The following LPP variants were observed in gnomAD, a reference collection of about 807,000 sequenced individuals.
LPP encodes the protein lipoma-preferred partner.
A neutral mutation model predicts 60.4 loss-of-function variants in LPP; 38 were observed. The observed-to-expected ratio is 0.63, with a 90% CI of 0.49 to 0.83. The LOEUF (loss-of-function observed/expected upper bound fraction) is 0.83, where lower values mean the gene tolerates loss of function less well. Ranked by LOEUF, LPP falls within the 40% of genes least tolerant of loss-of-function variation. The pLI, the probability that LPP is intolerant of heterozygous loss-of-function variation, is 0.00. For synonymous variants in LPP, 328 were observed against 290.8 expected (o/e 1.13, Z -1.30); for missense variants, 902 against 783.6 (o/e 1.15, Z -1.80).
intron 2 of LPP, among the ~76,000 whole-genome samples, chr3:188,292,210 A>T (rs1746230702): frequency 6.6e-6 from 1 of 152,234 alleles, no homozygotes; most frequent in Non-Finnish European, 1.5e-5. Flanking sequence ...AGGAAACAGG[A>T]TGTGCAAACT....
intron 9 of LPP, among the ~76,000 whole-genome samples, chr3:188,814,967 A>T (rs1219799561): frequency 6.6e-6 from 1 of 152,252 alleles, no homozygotes; most frequent in African/African-American, 2.4e-5. Context: ...GGGGACAATG[A>T]TAATATGTCT....
intron 7 of LPP, among the ~76,000 whole-genome samples, chr3:188,654,053 AC>A (rs950058733): frequency 6.6e-6 from 1 of 152,102 alleles, no homozygotes; most frequent in African/African-American, 2.4e-5. Context: ...AATGCCCATG[AC>A]CCTTATTTCA....
At chr3:188,751,517 T>G (rs1164271921) in intron 8 of LPP, among the ~76,000 whole-genome samples, 3 of 152,218 alleles carry the variant, frequency 2.0e-5, no homozygotes, top group African/African-American at 7.2e-5. Flanking sequence ...GAAATACTAC[T>G]GTTTCTGTCA....
intron 3 of LPP, among the ~76,000 whole-genome samples, chr3:188,387,110 G>A (rs934713901): frequency 1.3e-5 from 2 of 151,912 alleles, no homozygotes; most frequent in Non-Finnish European, 1.5e-5. Context: ...CCTTATATCT[G>A]TAAGGCACTT....
At chr3:188,671,224 A>G (rs750439573) in intron 7 of LPP, among the ~76,000 whole-genome samples, 6 of 152,254 alleles carry the variant, frequency 3.9e-5, no homozygotes, top group Non-Finnish European at 8.8e-5. Context: ...AACAATTTGA[A>G]TTCCTTTGTC....
At chr3:188,247,177 G>C (rs183858152) in intron 2 of LPP, 1 of 984,620 alleles carries the variant, frequency 1.0e-6, no homozygotes, top group East Asian at 1.1e-4. Flanking sequence ...AAGACCTCTG[G>C]AGAATTCTTC....
chr3:188,848,731 G>A (rs761317332), intron 9 of LPP, among the ~76,000 whole-genome samples: 16 of 152,194 alleles, frequency 1.1e-4, no homozygotes, highest in Non-Finnish European at 1.5e-4. Context: ...ACTTTGGGAG[G>A]CCGAGGCGGA....
intron 3 of LPP, among the ~76,000 whole-genome samples, chr3:188,394,711 A>G (rs1399707937): frequency 2.0e-5 from 3 of 152,172 alleles, no homozygotes; most frequent in African/African-American, 4.8e-5. Context: ...TCTCTCATCA[A>G]GGGAAACTTA....
At chr3:188,772,684 G>A (rs906937546) in intron 9 of LPP, among the ~76,000 whole-genome samples, 13 of 151,828 alleles carry the variant, frequency 8.6e-5, no homozygotes, top group Non-Finnish European at 1.0e-4. Context: ...TAGTAGAGAC[G>A]GGGTTTCACC....
At chr3:188,731,304 C>G (rs1185219514) in intron 8 of LPP, among the ~76,000 whole-genome samples, 1 of 152,068 alleles carries the variant, frequency 6.6e-6, no homozygotes, top group Non-Finnish European at 1.5e-5. Flanking sequence ...TTTCACTCCA[C>G]CTTTTTTTTT....
Position 188,725,222 on chromosome 3 carries a change from C to G in LPP, c.1240+16829C>G, listed in dbSNP as rs376716276. On this transcript the variant is annotated intron_variant, in intron 8 of 11. Transcript: ENST00000617246. ...CAGTTTACCCTTGTGTCTGGTTATG[C>G]TGGAACCTGCTGTGTTCTACCTCTC... is the stretch of plus-strand genomic sequence containing the variant. 8.5e-5 allele frequency: 13 copies of G among 152,296 alleles called. 1 individual carries two copies. Among genetic ancestry groups the G allele is most frequent in the East Asian group, 3.9e-4 (2 of 5,180 alleles). 9.4% of individuals were successfully genotyped at this position (152,296 alleles called of 1,614,324 possible).
chr3:188,441,604 C>CTTTTTTTTTTTTTTTTTTT (rs1793873957), intron 4 of LPP, among the ~76,000 whole-genome samples: 1 of 39,972 alleles, frequency 2.5e-5, no homozygotes, highest in Non-Finnish European at 4.8e-5. Flanking sequence ...TTTTTCTTTT[C>CTTTTTTTTTTTTTTTTTTT]TTTTCTTTTT....
intron 4 of LPP, among the ~76,000 whole-genome samples, chr3:188,410,302 C>G (rs923134742): frequency 2.0e-5 from 3 of 152,198 alleles, no homozygotes; most frequent in African/African-American, 7.2e-5. Flanking sequence ...CTTTGCATTA[C>G]TTTTCCTTCC....
chr3:188,599,640 C>T (rs932263863), intron 6 of LPP, among the ~76,000 whole-genome samples: 9 of 151,956 alleles, frequency 5.9e-5, no homozygotes, highest in African/African-American at 1.5e-4. Context: ...AAGAATAACC[C>T]GTCACTAGCA....
chr3:188,504,227 T>A (rs1254411958), intron 5 of LPP, among the ~76,000 whole-genome samples: 1 of 152,194 alleles, frequency 6.6e-6, no homozygotes, highest in Non-Finnish European at 1.5e-5. Context: ...TGTCTTTGAG[T>A]TCCTCTAGTG....
intron 3 of LPP, among the ~76,000 whole-genome samples, chr3:188,371,642 T>TATATATATATATATATA (rs1553878070): frequency 9.9e-4 from 16 of 16,220 alleles, no homozygotes; most frequent in African/African-American, 1.8e-3. Context: ...TATATATATA[T>TATATATATATATATATA]TTTTTTTTTT....
chr3:188,253,413 G>T (rs1051716502), intron 2 of LPP, among the ~76,000 whole-genome samples: 1 of 152,116 alleles, frequency 6.6e-6, no homozygotes, highest in African/African-American at 2.4e-5. Flanking sequence ...TCTGCAGTTT[G>T]TGTGTAACAT....
chr3:188,565,133 T>A (rs768155313), intron 6 of LPP, among the ~76,000 whole-genome samples: 6 of 151,888 alleles, frequency 4.0e-5, no homozygotes, highest in Non-Finnish European at 8.8e-5. Context: ...CTAGTCTGGT[T>A]TGGGTTCAAT....
chr3:188,346,467 G>A lies in LPP; in HGVS notation c.-10+4748G>A, dbSNP rs112569184. Among the ~76,000 whole-genome samples the A allele has an allele frequency of 2.5e-4, 38 of 149,324 alleles. 1 individual carries two copies. Among genetic ancestry groups the A allele is most frequent in the African/African-American group, 9.1e-4 (37 of 40,500 alleles). On this transcript the variant is annotated intron_variant, in intron 3 of 11. Coordinates refer to ENST00000617246, the MANE Select transcript of LPP (RefSeq NM_001375462.1). ...TTAAGTAGAGATGGGGTTTCACCATGTTGGTCAGGCTGCTCTCAAACTCCT... is the reference window on the plus strand; with the variant it reads ...TTAAGTAGAGATGGGGTTTCACCATATTGGTCAGGCTGCTCTCAAACTCCT...
Sources: allele counts gnomAD v4.1 joint callset (sites outside exome capture counted in the v4.1 genomes callset), GRCh38; gene constraint gnomAD v4.1.1; transcripts MANE v1.5; gene names NCBI Gene and HGNC (gene_info 2026-07-23, HGNC 2026-07-21).